PPP1R9B: variants seen among roughly 807,000 people sequenced by gnomAD.
PPP1R9B encodes protein phosphatase 1 regulatory subunit 9B.
In PPP1R9B, 17 loss-of-function variants were observed where a neutral mutation model predicts 75.8. The ratio of observed to expected loss-of-function variants is 0.22; its 90% CI spans 0.15 to 0.34. PPP1R9B has a LOEUF of 0.34. Among genes scored for constraint, PPP1R9B ranks in the 10% least tolerant of loss-of-function variants. PPP1R9B has a pLI of 1.00. For synonymous variants in PPP1R9B, 509 were observed against 535.4 expected, an observed-to-expected ratio of 0.95 and a Z score of 0.68; for missense variants, 875 against 1,196.0, an observed-to-expected ratio of 0.73 and a Z score of 3.96.
chr17:50,150,109 C>A lies in PPP1R9B; in HGVS notation c.405G>T (p.Ala135=). The A allele has an allele frequency of 7.1e-7, 1 of 1,398,606 alleles. No individual in the cohort carries two copies. The highest frequency in any genetic ancestry group is 3.1e-5 in the East Asian group (1 of 32,464). 86.6% of individuals were successfully genotyped at this position (1,398,606 alleles called of 1,614,324 possible). A position where few individuals can be genotyped will look rare whatever the true frequency, so the allele number is the denominator to read the frequency against. ...GCCGGGACGGCGGGTGCGGCGGCGG[C>A]GCAGGCTGCGCGGAGGGCGCGGGCT... The part of the protein sequence containing the change: ...DSKPAPSAQP[A]PPPHPPSRLQ... The change falls in exon 1 of 10, where the codon GCG becomes GCT. Residue 135 remains alanine (A), a synonymous_variant. Coordinates refer to ENST00000612501, the MANE Select transcript of PPP1R9B (RefSeq NM_032595.5). This position sits in a 1 kb window ranked among gnomAD's most constrained non-coding sequence, Gnocchi z 8.7.
chr17:50,148,438 C>T lies in PPP1R9B; in HGVS notation c.1371+705G>A, dbSNP rs139899202. Among the ~76,000 whole-genome samples the T allele has an allele frequency of 1.5e-4, 23 of 152,338 alleles. No homozygotes were observed. The East Asian group carries it at 4.1e-3, about 27-fold the overall frequency. On this transcript the variant is annotated intron_variant, in intron 1 of 9. Coordinates refer to ENST00000612501, the MANE Select transcript of PPP1R9B (RefSeq NM_032595.5). The stretch of plus-strand genomic sequence containing the variant: ...CCTCCTCCATGCCTGCAGAAGGCCT[C>T]TCCCCATCAAGGACCACACAAAGTG...
intron 3 of PPP1R9B, 145 bp downstream of exon 3, chr17:50,143,453 T>TG: frequency 9.8e-7 from 1 of 1,022,304 alleles, no homozygotes; most frequent in Non-Finnish European, 1.4e-6. Context: ...GGCATGGCAG[T>TG]GCTCCCCGAA....
chr17:50,150,667 T>A lies in PPP1R9B; in HGVS notation c.-154A>T. ...CCAAAACCAAGCTGCCAAAAACAGT[T>A]AATCCCGCTTTAAAAAAAAAAATGA... On this transcript the variant is annotated 5_prime_UTR_variant, in exon 1 of 10. Coordinates refer to ENST00000612501, the MANE Select transcript of PPP1R9B (RefSeq NM_032595.5). This position sits in a 1 kb window ranked among gnomAD's most constrained non-coding sequence, Gnocchi z 8.7. 1 of 657,362 alleles carries A rather than the reference T, an allele frequency of 1.5e-6. No homozygotes were observed. The highest frequency in any genetic ancestry group is 2.1e-6 in the Non-Finnish European group (1 of 472,346). The allele number at this position is 657,362 out of a possible 1,614,324, so 40.7% of individuals were successfully genotyped here. A position where few individuals can be genotyped will look rare whatever the true frequency, so the allele number is the denominator to read the frequency against.
rs1488318841 is a variant in PPP1R9B at position 50,150,271 on chromosome 17, G to C, written c.243C>G (p.Ala81=). ...SGEAGGGAGL[A]EAPRASERGV... ...CGCGCTCGGACGCCCGTGGGGCCTC[G>C]GCCAGGCCCGCGCCGCCGCCCGCCT... The change falls in exon 1 of 10, where the codon GCC becomes GCG. Residue 81 remains alanine, a synonymous_variant. Transcript: ENST00000612501. This position sits in a 1 kb window ranked among gnomAD's most constrained non-coding sequence, Gnocchi z 8.7. The C allele has an allele frequency of 7.0e-7, 1 of 1,431,824 alleles. No homozygotes were observed. The highest frequency in any genetic ancestry group is 1.4e-5 in the South Asian group (1 of 70,372). The allele number at this position is 1,431,824 out of a possible 1,614,324, so 88.7% of individuals were successfully genotyped here.
In PPP1R9B at chr17:50,139,738, T is replaced by C. The variant is rs1376430723; in HGVS notation, c.1867-157A>G. Among the ~76,000 whole-genome samples, 1 of 152,066 alleles carries C rather than the reference T, an allele frequency of 6.6e-6. No individual in the cohort carries two copies. Among genetic ancestry groups the C allele is most frequent in the Non-Finnish European group, 1.5e-5 (1 of 68,010 alleles). On this transcript the variant is annotated intron_variant, in intron 5 of 9. Coordinates refer to ENST00000612501, the MANE Select transcript of PPP1R9B (RefSeq NM_032595.5). This position sits in a 1 kb window ranked among gnomAD's most constrained non-coding sequence, Gnocchi z 5.0. ...GCCTGAGGCTGGACCAGAGACACGG[T>C]TTATGTCTTCCCCCAACAGCCTGGT...
At chr17:50,140,064 A>G in intron 5 of PPP1R9B, 29 bp downstream of exon 5, 2 of 1,609,984 alleles carry the variant, frequency 1.2e-6, no homozygotes, top group Non-Finnish European at 1.7e-6. Context: ...GGGGGCGACC[A>G]CGCGGCCAGC....
chr17:50,135,473 C>T, intron 9 of PPP1R9B, 80 bp downstream of exon 9: 1 of 1,581,642 alleles, frequency 6.3e-7, no homozygotes, highest in Non-Finnish European at 8.7e-7. Flanking sequence ...ATGGCATCCC[C>T]TCCCTCCAGG....
At chr17:50,138,665 C>G (rs762425447) in intron 7 of PPP1R9B, among the ~76,000 whole-genome samples, 1 of 152,148 alleles carries the variant, frequency 6.6e-6, no homozygotes, top group African/African-American at 2.4e-5. Flanking sequence ...GTTACTCAGG[C>G]TGGAGTGGAG....
chr17:50,135,379 T>C lies in PPP1R9B; in HGVS notation c.2406A>G (p.Ser802=), dbSNP rs1414567251. The change falls in exon 10 of 10, where the codon TCA becomes TCG. Residue 802 remains serine (S), a synonymous_variant. Coordinates refer to ENST00000612501, the MANE Select transcript of PPP1R9B (RefSeq NM_032595.5). ...GTGTTTGCAAGTTTCCTTCCAGTTC[T>C]GAGATCTGGAAAACAAAGGAGGGTA... ...EEMDKLLDKI[S]ELEGNLQTLR... is the part of the protein sequence containing the mutation. 1 of 1,613,352 alleles carries C rather than the reference T, an allele frequency of 6.2e-7. No homozygotes were observed. Among genetic ancestry groups the C allele is most frequent in the Non-Finnish European group, 8.5e-7 (1 of 1,179,518 alleles).
intron 8 of PPP1R9B, 100 bp downstream of exon 8, chr17:50,135,868 T>C: frequency 9.6e-7 from 1 of 1,042,540 alleles, no homozygotes; most frequent in Non-Finnish European, 1.4e-6. Context: ...GCCCTCCAAC[T>C]TCTGTGCCTC....
At chr17:50,143,571 T>C in intron 3 of PPP1R9B, 27 bp downstream of exon 3, 3 of 1,599,158 alleles carry the variant, frequency 1.9e-6, no homozygotes, top group Non-Finnish European at 2.6e-6. Context: ...GGAAAAAGGG[T>C]CAGGCGAGAC....
intron 1 of PPP1R9B, among the ~76,000 whole-genome samples, chr17:50,145,556 A>G (rs973376691): frequency 2.6e-5 from 4 of 152,192 alleles, no homozygotes; most frequent in African/African-American, 9.7e-5. Context: ...GAAACGTCCA[A>G]CTCAGGAACC....
rs916827315 is a variant in PPP1R9B, at chr17:50,139,924, C to T, written c.1866+169G>A. Among the ~76,000 whole-genome samples the T allele has an allele frequency of 2.0e-5, 3 of 152,226 alleles. No homozygotes were observed. Among genetic ancestry groups the T allele is most frequent in the African/African-American group, 7.2e-5 (3 of 41,466 alleles). ...GCAGACTGGGGGCTCTTTGAGAGGA[C>T]TGTGTATTCCTTGTCCGGCCTCTGA... is the stretch of plus-strand genomic sequence containing the variant. On this transcript the variant is annotated intron_variant, in intron 5 of 9. Coordinates refer to ENST00000612501, the MANE Select transcript of PPP1R9B (RefSeq NM_032595.5). The surrounding 1 kb of genome is among the most constrained non-coding windows in gnomAD (Gnocchi z 5.0).
At chr17:50,144,399 C>T (rs575836082) in intron 2 of PPP1R9B, among the ~76,000 whole-genome samples, 29 of 152,314 alleles carry the variant, frequency 1.9e-4, no homozygotes, top group Non-Finnish European at 3.7e-4. Context: ...TTCCTGTCCA[C>T]GCCACAGTGG....
chr17:50,148,157 G>T (rs909439612), intron 1 of PPP1R9B, among the ~76,000 whole-genome samples: 9 of 152,146 alleles, frequency 5.9e-5, no homozygotes, highest in African/African-American at 1.2e-4. Context: ...TCCCCCCAGG[G>T]GATGTTCCCT....
Position 50,139,957 on chromosome 17 carries a change from G to A in PPP1R9B, c.1866+136C>T, listed in dbSNP as rs1265898721. 1 of 972,142 alleles carries A rather than the reference G, an allele frequency of 1.0e-6. No individual in the cohort carries two copies. The highest frequency in any genetic ancestry group is 1.5e-6 in the Non-Finnish European group (1 of 668,632). 60.2% of individuals were successfully genotyped at this position (972,142 alleles called of 1,614,324 possible). A position where few individuals can be genotyped will look rare whatever the true frequency, so the allele number is the denominator to read the frequency against. Reference sequence around the variant, plus strand: ...TCCTTGTCCGGCCTCTGAAGACAAAGAGTGTGACTGGAGGACAGGGAATGG... The same window carrying A: ...TCCTTGTCCGGCCTCTGAAGACAAAAAGTGTGACTGGAGGACAGGGAATGG... On this transcript the variant is annotated intron_variant, in intron 5 of 9. Coordinates refer to ENST00000612501, the MANE Select transcript of PPP1R9B (RefSeq NM_032595.5). The surrounding 1 kb of genome is among the most constrained non-coding windows in gnomAD (Gnocchi z 5.0).
chr17:50,146,518 T>C (rs1308749937), intron 1 of PPP1R9B, among the ~76,000 whole-genome samples: 8 of 152,072 alleles, frequency 5.3e-5, no homozygotes, highest in African/African-American at 1.9e-4. Context: ...TGTCCCAGCC[T>C]TTGTCTGGGT....
At position 50,139,397 on chromosome 17, in the gene PPP1R9B, C is replaced by T; in HGVS notation, c.2019+32G>A. ...AGGGCAGGAGACCTGCCTGCCTTTCCCTCCACCACTCCAGGGAGCCCCTCC... is the reference window on the plus strand; with the variant it reads ...AGGGCAGGAGACCTGCCTGCCTTTCTCTCCACCACTCCAGGGAGCCCCTCC... On this transcript the variant is annotated intron_variant, in intron 6 of 9. Transcript: ENST00000612501. The surrounding 1 kb of genome is among the most constrained non-coding windows in gnomAD (Gnocchi z 5.0). The T allele has an allele frequency of 6.2e-7, 1 of 1,612,778 alleles. No homozygotes were observed. Among genetic ancestry groups the T allele is most frequent in the Non-Finnish European group, 8.5e-7 (1 of 1,179,132 alleles).
Position 50,135,963 on chromosome 17 carries a change from C to T in PPP1R9B, c.2303+5G>A, listed in dbSNP as rs746327738. On this transcript the variant is annotated splice_donor_5th_base_variant and intron_variant, in intron 8 of 9. Coordinates refer to ENST00000612501, the MANE Select transcript of PPP1R9B (RefSeq NM_032595.5). ...GCCCAGCCCGCCCAGCCCCCAGCCA[C>T]GTACTTCTGCTGGTAGTCCTTGATG... The T allele has an allele frequency of 8.4e-6, 13 of 1,544,276 alleles. 1 individual carries two copies. The highest frequency in any genetic ancestry group is 4.8e-5 in the East Asian group (2 of 41,474).
Sources: gnomAD v4.1 joint callset for allele counts (sites outside exome capture counted in the v4.1 genomes callset) on GRCh38, gnomAD v4.1.1 for gene constraint, Gnocchi (gnomAD v3.1) non-coding constraint, MANE v1.5 for transcripts, NCBI Gene and HGNC (gene_info 2026-07-23, HGNC 2026-07-21) for gene names.